The following PCNX1 variants were observed in gnomAD, a reference collection of about 807,000 sequenced individuals.
PCNX1 encodes the protein pecanex 1.
Under a neutral mutation model 242.2 loss-of-function variants are expected in PCNX1, and 78 were observed. The ratio of observed to expected loss-of-function variants is 0.32; its 90% CI spans 0.27 to 0.39. The LOEUF (loss-of-function observed/expected upper bound fraction) is 0.39. Among genes scored for constraint, PCNX1 ranks in the 10% least tolerant of loss-of-function variants. The pLI is 1.00. For missense variants in PCNX1, 2,581 were observed against 2,856.5 expected (o/e 0.90, Z 2.20); for synonymous variants, 1,024 against 1,032.9 (o/e 0.99, Z 0.17).
chr14:70,940,786 T>C (rs2057206275), intron 1 of PCNX1, among the ~76,000 whole-genome samples: 1 of 152,218 alleles, frequency 6.6e-6, no homozygotes, highest in Non-Finnish European at 1.5e-5. Flanking sequence ...GATTTGGTCT[T>C]TTCACATAGT....
intron 30 of PCNX1, among the ~76,000 whole-genome samples, chr14:71,094,395 C>G (rs1036041612): frequency 6.6e-6 from 1 of 152,156 alleles, no homozygotes; most frequent in African/African-American, 2.4e-5. Context: ...CAAGATGCAT[C>G]TAACTGTACA....
At chr14:70,981,689 T>G (rs1434222297) in intron 6 of PCNX1, among the ~76,000 whole-genome samples, 1 of 152,216 alleles carries the variant, frequency 6.6e-6, no homozygotes, top group African/African-American at 2.4e-5. Context: ...AAGGCATATC[T>G]TTATGACTAA....
At chr14:71,051,771 A>G in intron 23 of PCNX1, 112 bp from the exon 24 acceptor site, 1 of 957,884 alleles carries the variant, frequency 1.0e-6, no homozygotes, top group East Asian at 2.5e-5. Context: ...CTTCTGGTGA[A>G]CCTCAGTTCT....
At chr14:70,983,662 G>T (rs1477414825) in intron 6 of PCNX1, among the ~76,000 whole-genome samples, 1 of 151,430 alleles carries the variant, frequency 6.6e-6, no homozygotes, top group Non-Finnish European at 1.5e-5. Context: ...AAGTAGGCCA[G>T]TCCTTTAAAA....
chr14:70,980,365 C>T (rs1595125704), intron 6 of PCNX1, among the ~76,000 whole-genome samples: 1 of 150,136 alleles, frequency 6.7e-6, no homozygotes, highest in East Asian at 2.0e-4. Flanking sequence ...GTTTGTACTG[C>T]TTTTTTTTAA....
At chr14:71,102,255 T>C in intron 31 of PCNX1, 35 bp downstream of exon 31, 1 of 1,512,210 alleles carries the variant, frequency 6.6e-7, no homozygotes, top group Non-Finnish European at 9.2e-7. Flanking sequence ...GTCCAAAACA[T>C]AGAAGTTGAA....
At chr14:71,027,034 A>G in intron 15 of PCNX1, 152 bp downstream of exon 15, 1 of 480,070 alleles carries the variant, frequency 2.1e-6, no homozygotes, top group Non-Finnish European at 3.7e-6. Context: ...CTGAGAAGCA[A>G]TTAATTTGTG....
intron 16 of PCNX1, among the ~76,000 whole-genome samples, chr14:71,032,277 T>G (rs898631149): frequency 3.3e-5 from 5 of 152,238 alleles, no homozygotes; most frequent in African/African-American, 1.2e-4. Context: ...TGCTTTCATA[T>G]GTATTTATCT....
At position 71,111,225 on chromosome 14, in the gene PCNX1, A is replaced by G. The variant is rs915397022; in HGVS notation, c.*1290A>G. On this transcript the variant is annotated 3_prime_UTR_variant, in exon 36 of 36. Transcript: ENST00000304743. Reference sequence around the variant, plus strand: ...ATATTCAGGGAAATATATTACTCATATTTACAATTGGGCGATATAGGAACT... The same window carrying G: ...ATATTCAGGGAAATATATTACTCATGTTTACAATTGGGCGATATAGGAACT... 1 of 152,490 alleles carries G rather than the reference A, an allele frequency of 6.6e-6. No individual in the cohort carries two copies. Among genetic ancestry groups the G allele is most frequent in the African/African-American group, 2.4e-5 (1 of 41,400 alleles). The allele number at this position is 152,490 out of a possible 1,614,324, so 9.4% of individuals were successfully genotyped here.
At chr14:71,003,140 G>A (rs931169133) in intron 8 of PCNX1, among the ~76,000 whole-genome samples, 15 of 138,232 alleles carry the variant, frequency 1.1e-4, no homozygotes, top group African/African-American at 4.2e-4. Context: ...CTGGAGTGCA[G>A]TGATGCAATC....
chr14:70,962,201 C>T, intron 2 of PCNX1, 25 bp from the exon 3 acceptor site: 1 of 1,372,964 alleles, frequency 7.3e-7, no homozygotes. Flanking sequence ...GACAGTTACT[C>T]TTTTTCTCAT....
In PCNX1 at chr14:70,977,222, C is replaced by T; in HGVS notation, c.885C>T (p.Asp295=). 1 of 1,614,204 alleles carries T rather than the reference C, an allele frequency of 6.2e-7. No homozygotes were observed. ...CTAGCTCTGCTGTGGCTTTTCCAGA[C>T]ACTTCACTGAATGATTTTCCCCTTT... ...RTSSSAVAFP[D]TSLNDFPLYQ... is the part of the protein sequence containing the mutation. Residue 295 remains aspartate, a synonymous_variant, in exon 6 of 36, where the codon GAC becomes GAT. Transcript: ENST00000304743.
chr14:71,075,435 T>C (rs1420012775), intron 27 of PCNX1, among the ~76,000 whole-genome samples: 3 of 152,222 alleles, frequency 2.0e-5, no homozygotes, highest in African/African-American at 7.2e-5. Flanking sequence ...TACTTGTATG[T>C]GCGTGTGGCA....
At chr14:71,016,284 T>C (rs577108916) in intron 11 of PCNX1, among the ~76,000 whole-genome samples, 1 of 152,228 alleles carries the variant, frequency 6.6e-6, no homozygotes, top group South Asian at 2.1e-4. Flanking sequence ...AGTGGAGAAA[T>C]AGACAAATCA....
intron 26 of PCNX1, 120 bp downstream of exon 26, chr14:71,057,844 A>G (rs180695606): frequency 2.3e-4 from 169 of 726,908 alleles, no homozygotes; most frequent in Admixed American, 4.3e-4. Context: ...GTGGAATGAG[A>G]AAAGTTGTTA....
chr14:71,034,808 T>C (rs2060484625), intron 18 of PCNX1, among the ~76,000 whole-genome samples: 1 of 152,238 alleles, frequency 6.6e-6, no homozygotes, highest in Non-Finnish European at 1.5e-5. Context: ...ATGACTTTTT[T>C]CTAACTTTAG....
rs1435473146 is a variant in PCNX1 at position 71,105,338 on chromosome 14, A to G, written c.6199A>G (p.Asn2067Asp). 6.2e-6 allele frequency: 10 copies of G among 1,614,110 alleles called. No individual in the cohort carries two copies. Among genetic ancestry groups the G allele is most frequent in the Non-Finnish European group, 8.5e-6 (10 of 1,179,978 alleles). Residue 2067 changes from asparagine to aspartate, a missense_variant, in exon 33 of 36, where the codon AAC becomes GAC. Transcript: ENST00000304743. ...CACTGGTAACAATGCAACAACTGCC[A>G]ACAATCCCCACAGCAACGTGACCCA... ...SCTGNNATTA[N>D]NPHSNVTQGS...
At chr14:71,032,727 A>G (rs2060423725) in intron 16 of PCNX1, among the ~76,000 whole-genome samples, 1 of 152,228 alleles carries the variant, frequency 6.6e-6, no homozygotes, top group Non-Finnish European at 1.5e-5. Context: ...GGACATACTT[A>G]AGAACTGTTA....
chr14:70,976,955 T>G lies in PCNX1; in HGVS notation c.618T>G (p.Asp206Glu). 1 of 1,611,750 alleles carries G rather than the reference T, an allele frequency of 6.2e-7. No homozygotes were observed. Among genetic ancestry groups the G allele is most frequent in the Non-Finnish European group, 8.5e-7 (1 of 1,178,302 alleles). ...TGTTTGAAACAGATTTGGCAGCTGATCGGAAGCTCTTTCGTCTTGTCTCCA... is the reference window on the plus strand; with the variant it reads ...TGTTTGAAACAGATTTGGCAGCTGAGCGGAAGCTCTTTCGTCTTGTCTCCA... ...EGSEEQDLAA[D>E]RKLFRLVSND... Residue 206 changes from aspartate to glutamate, a missense_variant, in exon 6 of 36, where the codon GAT (aspartate) becomes GAG (glutamate). Asp to Glu is a conservative substitution (Grantham distance 45, BLOSUM62 2). Around this residue, in one of 9 missense-constraint regions of PCNX1, gnomAD observed 1,204 missense variants for 1,216.7 expected, o/e 0.99. Coordinates refer to ENST00000304743, the MANE Select transcript of PCNX1 (RefSeq NM_014982.3).
Sources: allele counts gnomAD v4.1 joint callset (sites outside exome capture counted in the v4.1 genomes callset), GRCh38; gene constraint gnomAD v4.1.1; regional missense constraint gnomAD v4.1.1; transcripts MANE v1.5; gene names NCBI Gene and HGNC (gene_info 2026-07-23, HGNC 2026-07-21).